The following SBF2 variants were observed in gnomAD, a reference collection of about 807,000 sequenced individuals.
The protein encoded by SBF2 is myotubularin-related protein 13.
A neutral mutation model predicts 225.2 loss-of-function variants in SBF2; 112 were observed. That is an observed-to-expected ratio of 0.50 (90% confidence interval 0.43 to 0.58). The LOEUF (loss-of-function observed/expected upper bound fraction) is 0.58, where lower values mean the gene tolerates loss of function less well. SBF2 is among the 20% of genes least tolerant of loss of function. The probability of loss-of-function intolerance (pLI) is 0.00; values close to 1 mark genes in which losing one functional copy is unlikely to be tolerated. For missense variants in SBF2, 1,996 were observed against 2,206.2 expected (o/e 0.90, Z 1.91); for synonymous variants, 763 against 773.3 (o/e 0.99, Z 0.22).
intron 2 of SBF2, among the ~76,000 whole-genome samples, chr11:10,047,557 C>T (rs976258108): frequency 6.6e-6 from 1 of 152,140 alleles, no homozygotes; most frequent in African/African-American, 2.4e-5. Context: ...GGTATTATGA[C>T]CATTACCCCC....
chr11:10,162,098 T>C (rs927780045), intron 2 of SBF2, among the ~76,000 whole-genome samples: 1 of 151,802 alleles, frequency 6.6e-6, no homozygotes, highest in South Asian at 2.1e-4. Context: ...ATATCCTATA[T>C]AGGAAGGAAT....
chr11:10,096,911 G>T (rs994210184), intron 2 of SBF2, among the ~76,000 whole-genome samples: 1 of 151,896 alleles, frequency 6.6e-6, no homozygotes, highest in Non-Finnish European at 1.5e-5. Flanking sequence ...AGAGAAAATT[G>T]GACATGTATA....
At chr11:10,138,037 T>G (rs1207629524) in intron 2 of SBF2, among the ~76,000 whole-genome samples, 1 of 145,948 alleles carries the variant, frequency 6.9e-6, no homozygotes, top group East Asian at 1.9e-4. Flanking sequence ...AAATTTCTAT[T>G]TTTTTGGAAC....
chr11:10,098,068 A>G (rs1037339298), intron 2 of SBF2, among the ~76,000 whole-genome samples: 13 of 152,006 alleles, frequency 8.6e-5, no homozygotes, highest in Non-Finnish European at 1.5e-4. Flanking sequence ...CATCTCACCT[A>G]TGGTCCCATC....
chr11:10,032,334 G>A (rs546368947), intron 3 of SBF2, among the ~76,000 whole-genome samples: 2 of 152,232 alleles, frequency 1.3e-5, no homozygotes, highest in Admixed American at 1.3e-4. Flanking sequence ...AACGCTGTGA[G>A]CTACTATAAT....
At chr11:10,066,630 A>G (rs770927951) in intron 2 of SBF2, among the ~76,000 whole-genome samples, 1 of 152,206 alleles carries the variant, frequency 6.6e-6, no homozygotes, top group Non-Finnish European at 1.5e-5. Context: ...TTAACCTAAT[A>G]AAGAGCATTG....
chr11:9,969,290 C>G (rs980333464), intron 13 of SBF2, among the ~76,000 whole-genome samples: 5 of 152,202 alleles, frequency 3.3e-5, no homozygotes, highest in African/African-American at 7.2e-5. Context: ...CCTCACGTTA[C>G]AGCAATACAA....
At chr11:9,928,234 T>C (rs748532431) in intron 16 of SBF2, among the ~76,000 whole-genome samples, 1 of 152,168 alleles carries the variant, frequency 6.6e-6, no homozygotes, top group Non-Finnish European at 1.5e-5. Context: ...ATTCAGAATA[T>C]AAAAATTTTT....
intron 19 of SBF2, among the ~76,000 whole-genome samples, chr11:9,854,235 C>T (rs1475394826): frequency 2.0e-5 from 3 of 152,196 alleles, no homozygotes; most frequent in Admixed American, 6.5e-5. Context: ...CCTTCTCTTG[C>T]CAGGATTTAT....
intron 16 of SBF2, among the ~76,000 whole-genome samples, chr11:9,904,598 G>T (rs369377169): frequency 6.6e-6 from 1 of 152,136 alleles, no homozygotes; most frequent in African/African-American, 2.4e-5. Context: ...TACTGTAAAC[G>T]TTAGAGCTAA....
Position 9,818,081 on chromosome 11 carries a change from G to A in SBF2, c.3794-1057C>T, listed in dbSNP as rs1854554878. ...CTGCCTCAGCCTCCTGAGTAGCTGG[G>A]ATTACAGGCATGCACCACCATGCCT... On this transcript the variant is annotated intron_variant, in intron 28 of 39. Coordinates refer to ENST00000256190, the MANE Select transcript of SBF2 (RefSeq NM_030962.4). Among the ~76,000 whole-genome samples, 5 of 152,254 alleles carry A rather than the reference G, an allele frequency of 3.3e-5. No homozygotes were observed. The South Asian group carries it at 1.0e-3, about 32-fold the overall frequency.
intron 6 of SBF2, among the ~76,000 whole-genome samples, chr11:10,015,520 C>G (rs1052139946): frequency 6.6e-6 from 1 of 152,178 alleles, no homozygotes; most frequent in African/African-American, 2.4e-5. Flanking sequence ...CTATATTACT[C>G]TGAAGGTAAA....
At chr11:10,229,425 T>C (rs186109485) in intron 1 of SBF2, among the ~76,000 whole-genome samples, 1 of 152,370 alleles carries the variant, frequency 6.6e-6, no homozygotes. Context: ...ATTTTAGATC[T>C]TTCCTCCTTT....
intron 2 of SBF2, among the ~76,000 whole-genome samples, chr11:10,135,256 C>G (rs1369010769): frequency 6.6e-6 from 1 of 152,232 alleles, no homozygotes; most frequent in African/African-American, 2.4e-5. Flanking sequence ...CAGTGGGACC[C>G]TGGGCCTGGC....
chr11:10,293,978 G>C, intron 1 of SBF2, 37 bp downstream of exon 1: 1 of 1,299,506 alleles, frequency 7.7e-7, no homozygotes, highest in Non-Finnish European at 9.8e-7. Flanking sequence ...GCCGGGGGGC[G>C]GGGAGGCCCG....
At chr11:10,074,849 C>CT (rs1339490630) in intron 2 of SBF2, among the ~76,000 whole-genome samples, 74 of 152,324 alleles carry the variant, frequency 4.9e-4, no homozygotes, top group African/African-American at 1.7e-3. Context: ...ATATTAAATA[C>CT]AATTTGCTAA....
chr11:9,875,272 AT>A (rs1300553104), intron 17 of SBF2, among the ~76,000 whole-genome samples: 1 of 152,240 alleles, frequency 6.6e-6, no homozygotes, highest in African/African-American at 2.4e-5. Context: ...CTAAGAATAA[AT>A]AGCTATAAAG....
At chr11:10,234,408 G>A (rs1223003255) in intron 1 of SBF2, among the ~76,000 whole-genome samples, 1 of 152,040 alleles carries the variant, frequency 6.6e-6, no homozygotes, top group Non-Finnish European at 1.5e-5. Flanking sequence ...AGCAATTCAT[G>A]TACATTTTGT....
chr11:10,237,340 C>G (rs1238907505), intron 1 of SBF2, among the ~76,000 whole-genome samples: 4 of 151,564 alleles, frequency 2.6e-5, no homozygotes, highest in Non-Finnish European at 5.9e-5. Context: ...CAGCGAGACT[C>G]TGTCTCAAAA....
Sources: allele counts gnomAD v4.1 joint callset (sites outside exome capture counted in the v4.1 genomes callset), GRCh38; gene constraint gnomAD v4.1.1; transcripts MANE v1.5; gene names NCBI Gene and HGNC (gene_info 2026-07-23, HGNC 2026-07-21).